The following RGL1 variants were observed in gnomAD, a reference collection of about 807,000 sequenced individuals.
The protein encoded by RGL1 is ral guanine nucleotide dissociation stimulator-like 1.
Under a neutral mutation model 95.2 loss-of-function variants are expected in RGL1, and 24 were observed. That is an observed-to-expected ratio of 0.25 (90% CI 0.18 to 0.35). The LOEUF is 0.35. RGL1 is among the 10% of genes least tolerant of loss of function. The probability of loss-of-function intolerance (pLI) is 1.00; values close to 1 mark genes in which losing one functional copy is unlikely to be tolerated. For missense variants in RGL1, 715 were observed against 936.3 expected, an observed-to-expected ratio of 0.76 and a Z score of 3.08; for synonymous variants, 329 against 344.9, an observed-to-expected ratio of 0.95 and a Z score of 0.51.
At chr1:183,873,309 C>T (rs1233769519) in intron 4 of RGL1, among the ~76,000 whole-genome samples, 3 of 152,214 alleles carry the variant, frequency 2.0e-5, no homozygotes, top group African/African-American at 7.2e-5. Context: ...ACTGCCCTTG[C>T]CACCACCATT....
chr1:183,679,405 G>T (rs1255690000), intron 1 of RGL1, among the ~76,000 whole-genome samples: 1 of 84,754 alleles, frequency 1.2e-5, no homozygotes, highest in Non-Finnish European at 2.4e-5. Flanking sequence ...ACCCCCGACA[G>T]GCCCCCGTGT....
In RGL1 at chr1:183,884,737, A is replaced by G. The variant is rs1363109667; in HGVS notation, c.750A>G (p.Lys250=). 6.2e-7 allele frequency: 1 copy of G among 1,614,048 alleles called. No individual in the cohort carries two copies. The highest frequency in any genetic ancestry group is 8.5e-7 in the Non-Finnish European group (1 of 1,179,924). ...LTYMDAQLFK[K]VVPHHCLGCI... ...TTTTGTTCCAGCAACTCTTCAAGAA[A>G]GTAGTGCCTCACCACTGCCTGGGCT... The change falls in exon 7 of 18, where the codon AAA becomes AAG. Residue 250 remains lysine, a synonymous_variant. Transcript: ENST00000360851.
intron 1 of RGL1, among the ~76,000 whole-genome samples, chr1:183,684,727 G>A (rs1057098569): frequency 4.6e-5 from 7 of 152,172 alleles, no homozygotes; most frequent in Middle Eastern, 3.2e-3. Flanking sequence ...GTAGGGACCC[G>A]AGGGAATCTC....
In RGL1 at chr1:183,819,019, A is replaced by G. The variant is rs371416449; in HGVS notation, c.138+12534A>G. The stretch of plus-strand genomic sequence containing the variant: ...GACTTGGAATTTAGAGTTAATCCAT[A>G]TACTTCTTAGTGACATATAGGTTTG... On this transcript the variant is annotated intron_variant, in intron 2 of 17. Transcript: ENST00000360851. Among the ~76,000 whole-genome samples, 10 of 152,340 alleles carry G rather than the reference A, an allele frequency of 6.6e-5. No homozygotes were observed. In the South Asian group the frequency reaches 1.5e-3, roughly 22 times the overall value.
intron 14 of RGL1, among the ~76,000 whole-genome samples, chr1:183,907,992 G>T (rs545747768): frequency 4.3e-4 from 66 of 151,744 alleles, no homozygotes; most frequent in Non-Finnish European, 7.5e-4. Context: ...GCGAGACCCT[G>T]TCTCTAAGAA....
chr1:183,830,557 A>G (rs945099373), intron 2 of RGL1, among the ~76,000 whole-genome samples: 3 of 149,350 alleles, frequency 2.0e-5, no homozygotes, highest in African/African-American at 5.2e-5. Flanking sequence ...TTCGAAGCAA[A>G]CAGTTGGCCC....
intron 6 of RGL1, 76 bp downstream of exon 6, chr1:183,883,986 A>C: frequency 6.8e-7 from 1 of 1,476,382 alleles, no homozygotes; most frequent in South Asian, 1.2e-5. Context: ...CCCCGGTGAC[A>C]GCAGTGGGAT....
chr1:183,872,331 CTTTA>C (rs1206081403), intron 4 of RGL1, among the ~76,000 whole-genome samples: 6 of 152,170 alleles, frequency 3.9e-5, no homozygotes, highest in Non-Finnish European at 7.3e-5. Context: ...CTATATATAA[CTTTA>C]TTTAAAGAGA....
chr1:183,825,960 T>G (rs559072078), intron 2 of RGL1, among the ~76,000 whole-genome samples: 2 of 152,134 alleles, frequency 1.3e-5, no homozygotes, highest in East Asian at 3.9e-4. Context: ...CCCAGGAGTA[T>G]GAGACCAGCC....
chr1:183,675,115 C>T (rs949594753), intron 1 of RGL1, among the ~76,000 whole-genome samples: 2 of 152,182 alleles, frequency 1.3e-5, no homozygotes, highest in Non-Finnish European at 2.9e-5. Context: ...ATCATAGTGC[C>T]TGGAGTGATT....
At chr1:183,855,480 T>C (rs1665080301) in intron 3 of RGL1, among the ~76,000 whole-genome samples, 1 of 152,260 alleles carries the variant, frequency 6.6e-6, no homozygotes, top group African/African-American at 2.4e-5. Context: ...ACTAGGCACT[T>C]GCCAAATATT....
At chr1:183,742,577 T>G (rs1447592772) in intron 2 of RGL1, among the ~76,000 whole-genome samples, 1 of 152,234 alleles carries the variant, frequency 6.6e-6, no homozygotes, top group Non-Finnish European at 1.5e-5. Flanking sequence ...GTATCAGCAG[T>G]GTAGCTGTGG....
chr1:183,812,079 C>T (rs1661758049), intron 2 of RGL1, among the ~76,000 whole-genome samples: 1 of 152,150 alleles, frequency 6.6e-6, no homozygotes. Context: ...TTTAAGCTTC[C>T]CCCTTCTAAA....
chr1:183,756,481 G>A (rs1658345902), intron 2 of RGL1, among the ~76,000 whole-genome samples: 1 of 152,202 alleles, frequency 6.6e-6, no homozygotes, highest in East Asian at 1.9e-4. Context: ...AACTTAGGAA[G>A]TATCCTGTGG....
chr1:183,916,557 C>G lies in RGL1; in HGVS notation c.1860C>G (p.Asn620Lys), dbSNP rs764950266. 1.9e-6 allele frequency: 3 copies of G among 1,613,956 alleles called. No individual in the cohort carries two copies. The South Asian group carries it at 3.3e-5, about 18-fold the overall frequency. Reference protein sequence around the residue: ...PLSSPPSCNNNPKIHKRSVSV... With the variant: ...PLSSPPSCNNKPKIHKRSVSV... ...CCTCCCCTCCGTCCTGCAACAACAACCCCAAAATCCACAAGCGCTCTGTCT... is the reference window on the plus strand; with the variant it reads ...CCTCCCCTCCGTCCTGCAACAACAAGCCCAAAATCCACAAGCGCTCTGTCT... Residue 620 changes from asparagine (N) to lysine (K), a missense_variant, in exon 16 of 18, where the codon AAC (asparagine) becomes AAG (lysine). Around this residue, in one of 3 missense-constraint regions of RGL1, gnomAD observed 330 missense variants for 429.6 expected, o/e 0.77. Transcript: ENST00000360851.
chr1:183,814,388 T>C (rs1661940035), intron 2 of RGL1, among the ~76,000 whole-genome samples: 1 of 151,996 alleles, frequency 6.6e-6, no homozygotes, highest in South Asian at 2.1e-4. Context: ...ATAACAGTGG[T>C]GGTGGTTGGG....
intron 2 of RGL1, among the ~76,000 whole-genome samples, chr1:183,757,538 T>C (rs1485928046): frequency 6.6e-6 from 1 of 152,238 alleles, no homozygotes; most frequent in African/African-American, 2.4e-5. Context: ...TAGGAAGTTA[T>C]TAATATATAA....
chr1:183,893,783 GTC>G (rs1667549460), intron 9 of RGL1, among the ~76,000 whole-genome samples: 1 of 152,174 alleles, frequency 6.6e-6, no homozygotes, highest in Non-Finnish European at 1.5e-5. Flanking sequence ...GCAACTGCCT[GTC>G]TCTCTACTGG....
intron 3 of RGL1, among the ~76,000 whole-genome samples, chr1:183,865,604 T>G (rs1665777586): frequency 6.6e-6 from 1 of 152,206 alleles, no homozygotes; most frequent in Non-Finnish European, 1.5e-5. Context: ...CATGTGTCCC[T>G]TGCATAGACA....
Sources: allele counts gnomAD v4.1 joint callset (sites outside exome capture counted in the v4.1 genomes callset), GRCh38; gene constraint gnomAD v4.1.1; regional missense constraint gnomAD v4.1.1; transcripts MANE v1.5; gene names NCBI Gene and HGNC (gene_info 2026-07-23, HGNC 2026-07-21).